The following CEP83 variants were observed in gnomAD, a reference collection of about 807,000 sequenced individuals.
The protein encoded by CEP83 is centrosomal protein 83.
In CEP83, 70 loss-of-function variants were observed where a neutral mutation model predicts 101.9. The observed-to-expected ratio is 0.69, with a 90% CI of 0.57 to 0.84. CEP83 has a LOEUF of 0.84. CEP83 is among the 40% of genes least tolerant of loss of function. The pLI is 0.00. For synonymous variants in CEP83, 264 were observed against 267.9 expected (o/e 0.99, Z 0.14); for missense variants, 715 against 787.2 (o/e 0.91, Z 1.10).
At chr12:94,293,405 T>G in the CEP83 span, among the ~76,000 whole-genome samples, 1 of 152,128 alleles carries the variant, frequency 6.6e-6, no homozygotes, top group East Asian at 1.9e-4. Flanking sequence ...CTTAATAGAG[T>G]AGTGTCATAG....
At chr12:94,424,581 G>T in intron 2 of CEP83, 1 of 1,613,438 alleles carries the variant, frequency 6.2e-7, no homozygotes, top group Non-Finnish European at 8.5e-7. Flanking sequence ...TCCTGTTCCT[G>T]TTGCTTTACC....
In CEP83 at chr12:94,459,716, G is replaced by A. The variant is rs1393060599; in HGVS notation, c.-314C>T. The A allele has an allele frequency of 6.6e-6, 1 of 152,520 alleles. No homozygotes were observed. Among genetic ancestry groups the A allele is most frequent in the Non-Finnish European group, 1.5e-5 (1 of 68,212 alleles). The allele number at this position is 152,520 out of a possible 1,614,324, so 9.4% of individuals were successfully genotyped here. A position where few individuals can be genotyped will look rare whatever the true frequency, so the allele number is the denominator to read the frequency against. ...GGACTAAGGGTTACGGTCCTACAGC[G>A]GGGTGTCGGCCCAGCGAGAGGAAGA... is the stretch of plus-strand genomic sequence containing the variant. On this transcript the variant is annotated 5_prime_UTR_variant, in exon 1 of 17. Transcript: ENST00000397809.
chr12:94,439,030 A>G (rs573162272), intron 1 of CEP83, among the ~76,000 whole-genome samples: 2 of 152,316 alleles, frequency 1.3e-5, no homozygotes, highest in African/African-American at 2.4e-5. Context: ...CAGTGGTGCT[A>G]AGAGGAAAGT....
At chr12:94,420,701 G>A (rs2064666205) in intron 2 of CEP83, among the ~76,000 whole-genome samples, 1 of 151,988 alleles carries the variant, frequency 6.6e-6, no homozygotes, top group South Asian at 2.1e-4. Context: ...GGACACCCCT[G>A]CTATAGATAC....
chr12:94,436,797 A>G (rs1230598609), intron 1 of CEP83, among the ~76,000 whole-genome samples: 1 of 150,664 alleles, frequency 6.6e-6, no homozygotes, highest in Non-Finnish European at 1.5e-5. Flanking sequence ...ATTGCACTCC[A>G]GCCTGGGCAA....
chr12:94,385,035 T>C (rs1400598243), intron 6 of CEP83, among the ~76,000 whole-genome samples: 5 of 152,154 alleles, frequency 3.3e-5, no homozygotes, highest in African/African-American at 1.2e-4. Flanking sequence ...AGCTGGCTTT[T>C]TGTGATATTG....
At chr12:94,401,016 A>G (rs2063221428) in intron 5 of CEP83, 35 bp from the exon 6 acceptor site, 9 of 1,246,298 alleles carry the variant, frequency 7.2e-6, no homozygotes, top group Non-Finnish European at 9.4e-6. Flanking sequence ...AGATTTATAA[A>G]CAAAATTCGT....
At chr12:94,443,782 C>T (rs1406770981) in intron 1 of CEP83, among the ~76,000 whole-genome samples, 3 of 151,906 alleles carry the variant, frequency 2.0e-5, no homozygotes, top group Non-Finnish European at 4.4e-5. Flanking sequence ...CCACTGTGCC[C>T]GGCCTAATTT....
intron 14 of CEP83, among the ~76,000 whole-genome samples, chr12:94,323,823 A>G (rs2058852263): frequency 6.6e-6 from 1 of 152,216 alleles, no homozygotes; most frequent in South Asian, 2.1e-4. Flanking sequence ...TTAGCTGCAG[A>G]ATTTTTATAG....
intron 4 of CEP83, among the ~76,000 whole-genome samples, chr12:94,406,680 G>A (rs2063556501): frequency 6.6e-6 from 1 of 152,210 alleles, no homozygotes; most frequent in South Asian, 2.1e-4. Flanking sequence ...CCAGCACTTT[G>A]GGAGGCCGAG....
chr12:94,298,266 C>T, the CEP83 span, among the ~76,000 whole-genome samples: 1 of 152,228 alleles, frequency 6.6e-6, no homozygotes, highest in Non-Finnish European at 1.5e-5. Flanking sequence ...AGCAGCATCA[C>T]TTGAGCTTTT....
intron 16 of CEP83, 64 bp from the exon 17 acceptor site, chr12:94,308,981 T>G: frequency 9.3e-7 from 1 of 1,073,580 alleles, no homozygotes; most frequent in South Asian, 1.3e-5. Flanking sequence ...GGTAGCAACC[T>G]TGGACTGCCT....
At chr12:94,411,062 A>C (rs12818855) in intron 4 of CEP83, among the ~76,000 whole-genome samples, 7 of 152,306 alleles carry the variant, frequency 4.6e-5, no homozygotes, top group South Asian at 2.1e-4. Context: ...TCAGAGATTA[A>C]ATAAATATGG....
intron 6 of CEP83, among the ~76,000 whole-genome samples, chr12:94,382,178 C>T (rs905926582): frequency 6.6e-6 from 1 of 151,934 alleles, no homozygotes; most frequent in Admixed American, 6.6e-5. Flanking sequence ...GATTTCCCTT[C>T]TAATGTCTGC....
chr12:94,272,297 C>T, the CEP83 span: 1 of 152,392 alleles, frequency 6.6e-6, no homozygotes, highest in Non-Finnish European at 1.5e-5. Context: ...GGTAGAGCAG[C>T]TGCTCCTCTC....
At chr12:94,286,518 G>A in the CEP83 span, among the ~76,000 whole-genome samples, 47 of 146,316 alleles carry the variant, frequency 3.2e-4, no homozygotes, top group Non-Finnish European at 1.0e-4. Context: ...ATTTTCTCTT[G>A]AGCACTAGCA....
chr12:94,459,048 A>G (rs2067933585), intron 1 of CEP83, among the ~76,000 whole-genome samples: 1 of 152,224 alleles, frequency 6.6e-6, no homozygotes, highest in South Asian at 2.1e-4. Flanking sequence ...GTCTTTCCTT[A>G]TCCTAGAGAT....
chr12:94,435,492 C>CT (rs2065920105), intron 1 of CEP83, among the ~76,000 whole-genome samples, 165 bp from the exon 2 acceptor site: 1 of 152,176 alleles, frequency 6.6e-6, no homozygotes, highest in African/African-American at 2.4e-5. Flanking sequence ...CAGTTTACTG[C>CT]TGCAAATGCC....
the CEP83 span, among the ~76,000 whole-genome samples, chr12:94,289,562 G>C: frequency 2.6e-5 from 4 of 152,122 alleles, no homozygotes; most frequent in East Asian, 3.9e-4. Flanking sequence ...CACAGGACTA[G>C]GGGACGATTA....
Sources: allele counts gnomAD v4.1 joint callset (sites outside exome capture counted in the v4.1 genomes callset), GRCh38; gene constraint gnomAD v4.1.1; transcripts MANE v1.5; gene names NCBI Gene and HGNC (gene_info 2026-07-23, HGNC 2026-07-21).